The following PVT1 variants were observed in gnomAD, a reference collection of about 807,000 sequenced individuals.
PVT1 encodes the protein CXCR4/PVT1 fusion.
chr8:127,957,035 A>T (rs1006258623), intron 3 of PVT1, among the ~76,000 whole-genome samples: 11 of 152,214 alleles, frequency 7.2e-5, no homozygotes, highest in Admixed American at 3.3e-4. Context: ...CCTAGCTTGC[A>T]TGGTGGTTTA....
At chr8:127,917,611 G>C (rs1816002924) in intron 3 of PVT1, among the ~76,000 whole-genome samples, 1 of 152,190 alleles carries the variant, frequency 6.6e-6, no homozygotes, top group African/African-American at 2.4e-5. Flanking sequence ...GAAATAGAGG[G>C]GCCGGTCAGC....
chr8:127,803,343 A>C (rs971446525), intron 2 of PVT1: 2 of 151,714 alleles, frequency 1.3e-5, no homozygotes, highest in Non-Finnish European at 1.5e-5. Flanking sequence ...GTTAGCCAGG[A>C]TGGTTTCGAT....
intron 2 of PVT1, among the ~76,000 whole-genome samples, chr8:127,884,299 G>A (rs1815501039): frequency 6.6e-6 from 1 of 152,126 alleles, no homozygotes; most frequent in Admixed American, 6.5e-5. Context: ...ATATTCATGT[G>A]GTACGTGCAT....
intron 4 of PVT1, among the ~76,000 whole-genome samples, chr8:128,000,855 A>G (rs970580602): frequency 4.6e-5 from 7 of 152,046 alleles, no homozygotes; most frequent in African/African-American, 1.7e-4. Flanking sequence ...TGATCATTCC[A>G]CCAGCAGATC....
chr8:127,984,942 T>C lies in PVT1; in HGVS notation n.783-4220T>C, dbSNP rs188523106. ...CTTTCTCTTTCTCTTTCTTTCTTTC[T>C]TTCCCCTTCCTTCCTTCCTTCCTCC... On this transcript the variant is annotated intron_variant and non_coding_transcript_variant, in intron 3 of 10. Coordinates refer to ENST00000651587, the Ensembl canonical transcript of PVT1. Among the ~76,000 whole-genome samples the C allele has an allele frequency of 6.4e-3, 937 of 146,010 alleles. 45 individuals are homozygous for C. Among genetic ancestry groups the C allele is most frequent in the East Asian group, 0.017 (84 of 4,960 alleles).
At chr8:127,952,887 C>T (rs1816522740) in intron 3 of PVT1, among the ~76,000 whole-genome samples, 1 of 152,098 alleles carries the variant, frequency 6.6e-6, no homozygotes, top group Admixed American at 6.5e-5. Context: ...GCCTCAGCCT[C>T]CCAAGTAGCT....
At chr8:128,043,844 T>A (rs1025243404) in intron 4 of PVT1, among the ~76,000 whole-genome samples, 1 of 149,412 alleles carries the variant, frequency 6.7e-6, no homozygotes. Context: ...TTTTTTTTTT[T>A]TTTTTTAAAG....
intron 3 of PVT1, among the ~76,000 whole-genome samples, chr8:127,891,606 C>T (rs1223479153): frequency 1.3e-5 from 2 of 152,158 alleles, no homozygotes; most frequent in African/African-American, 2.4e-5. Flanking sequence ...AATTGAAGAT[C>T]GCCAAGTAGA....
chr8:127,985,039 C>CTTCCTTTCT (rs1554602258), intron 3 of PVT1, among the ~76,000 whole-genome samples: 3,295 of 104,570 alleles, frequency 0.032, 590 homozygotes, highest in African/African-American at 0.054. Context: ...CCTTCCTTTC[C>CTTCCTTTCT]TTCTTTTTTT....
intron 2 of PVT1, among the ~76,000 whole-genome samples, chr8:127,861,116 C>A (rs932108361): frequency 1.3e-5 from 2 of 152,144 alleles, no homozygotes; most frequent in African/African-American, 4.8e-5. Flanking sequence ...TTCTACCCTT[C>A]CATGTTTTTT....
At chr8:127,818,072 A>C (rs1020160367) in intron 2 of PVT1, among the ~76,000 whole-genome samples, 51 of 152,126 alleles carry the variant, frequency 3.4e-4, no homozygotes, top group African/African-American at 1.2e-3. Context: ...ACTTCCCCTC[A>C]ACGTGGGCCA....
chr8:128,008,532 A>T (rs192341218), intron 4 of PVT1, among the ~76,000 whole-genome samples: 16 of 152,286 alleles, frequency 1.1e-4, no homozygotes, highest in African/African-American at 3.6e-4. Flanking sequence ...TTTGCAGCTA[A>T]TTCTCCGAAA....
At chr8:127,932,169 C>T (rs1385708734) in intron 3 of PVT1, among the ~76,000 whole-genome samples, 1 of 152,158 alleles carries the variant, frequency 6.6e-6, no homozygotes, top group Admixed American at 6.6e-5. Flanking sequence ...CACTCCCAGC[C>T]CACTTGCCCC....
intron 4 of PVT1, among the ~76,000 whole-genome samples, chr8:128,049,826 G>A (rs1216978544): frequency 2.0e-5 from 3 of 152,166 alleles, no homozygotes; most frequent in Non-Finnish European, 4.4e-5. Context: ...GCAAGTGGTG[G>A]AACCTCTCTG....
intron 3 of PVT1, among the ~76,000 whole-genome samples, chr8:127,949,761 T>C (rs893719322): frequency 6.6e-6 from 1 of 152,174 alleles, no homozygotes; most frequent in Non-Finnish European, 1.5e-5. Flanking sequence ...GCGGCTGTCA[T>C]GGTTGATGGG....
At chr8:127,956,091 G>A (rs953897097) in intron 3 of PVT1, among the ~76,000 whole-genome samples, 2 of 152,248 alleles carry the variant, frequency 1.3e-5, no homozygotes, top group African/African-American at 4.8e-5. Context: ...AGGTAGACAG[G>A]TACATCTACA....
intron 4 of PVT1, among the ~76,000 whole-genome samples, chr8:128,057,389 TG>T (rs1813775683): frequency 6.6e-6 from 1 of 152,240 alleles, no homozygotes; most frequent in African/African-American, 2.4e-5. Flanking sequence ...TCTACTATAC[TG>T]GCAGGGAGAT....
chr8:128,022,243 G>C (rs533965873), intron 4 of PVT1, among the ~76,000 whole-genome samples: 8 of 152,256 alleles, frequency 5.3e-5, no homozygotes, highest in African/African-American at 1.7e-4. Context: ...AGGTGGGGAC[G>C]GGGTGGGAGT....
At chr8:127,833,913 A>G (rs1668928584) in intron 2 of PVT1, among the ~76,000 whole-genome samples, 1 of 152,220 alleles carries the variant, frequency 6.6e-6, no homozygotes, top group African/African-American at 2.4e-5. Flanking sequence ...TGAAACCCAG[A>G]CAGCTGGACC....
Sources: allele counts gnomAD v4.1 joint callset (sites outside exome capture counted in the v4.1 genomes callset), GRCh38; gene constraint gnomAD v4.1.1; transcripts MANE v1.5; gene names NCBI Gene and HGNC (gene_info 2026-07-23, HGNC 2026-07-21).